Variants in TENM3 observed in about 807,000 individuals in gnomAD.
The protein encoded by TENM3 is teneurin-3.
TENM3 carries 63 observed loss-of-function variants against 255.1 expected under a neutral mutation model. That is an observed-to-expected ratio of 0.25 (90% CI 0.20 to 0.30). The LOEUF (loss-of-function observed/expected upper bound fraction) is 0.30. TENM3 is among the 10% of genes least tolerant of loss of function. TENM3 has a pLI of 1.00. For missense variants in TENM3, 2,929 were observed against 3,461.1 expected (o/e 0.85, Z 3.86); for synonymous variants, 1,306 against 1,322.3 (o/e 0.99, Z 0.27).
intron 1 of TENM3, among the ~76,000 whole-genome samples, chr4:182,231,873 G>A (rs1201746302): frequency 6.6e-6 from 1 of 152,344 alleles, no homozygotes; most frequent in Non-Finnish European, 1.5e-5. Flanking sequence ...TAAAGATCTG[G>A]GTGTGAGATG....
At chr4:181,600,421 C>T in the TENM3 span, among the ~76,000 whole-genome samples, 1 of 152,308 alleles carries the variant, frequency 6.6e-6, no homozygotes, top group South Asian at 2.1e-4. Flanking sequence ...CAGAGACCCA[C>T]AGCCTGTTCC....
chr4:181,683,662 G>C, the TENM3 span, among the ~76,000 whole-genome samples: 1 of 152,154 alleles, frequency 6.6e-6, no homozygotes, highest in African/African-American at 2.4e-5. Context: ...GAAGCTTTCA[G>C]TTACTCGTGC....
chr4:182,537,055 G>A (rs1315639378), intron 3 of TENM3, among the ~76,000 whole-genome samples: 1 of 152,182 alleles, frequency 6.6e-6, no homozygotes, highest in African/African-American at 2.4e-5. Flanking sequence ...TTAACTGTGT[G>A]TTTCAGTTAG....
At chr4:181,574,479 C>T in the TENM3 span, among the ~76,000 whole-genome samples, 22 of 150,812 alleles carry the variant, frequency 1.5e-4, 1 homozygote, top group Non-Finnish European at 2.7e-4. Flanking sequence ...TGCAGTGAGC[C>T]GAGATCGTGC....
chr4:182,145,630 G>T (rs1368613957), intron 1 of TENM3, among the ~76,000 whole-genome samples: 1 of 152,148 alleles, frequency 6.6e-6, no homozygotes, highest in African/African-American at 2.4e-5. Context: ...TACTTGTACC[G>T]TGTAATACAT....
chr4:181,696,620 G>A, the TENM3 span, among the ~76,000 whole-genome samples: 2 of 152,190 alleles, frequency 1.3e-5, no homozygotes, highest in African/African-American at 4.8e-5. Flanking sequence ...GTTCAAGTAA[G>A]GGGCCAAATT....
intron 3 of TENM3, among the ~76,000 whole-genome samples, chr4:182,397,386 C>T (rs528893339): frequency 4.7e-5 from 5 of 106,074 alleles, no homozygotes; most frequent in Admixed American, 1.5e-4. Flanking sequence ...GGTGACAGAG[C>T]GAGACTCCAT....
At chr4:181,541,371 C>T in the TENM3 span, among the ~76,000 whole-genome samples, 3 of 151,964 alleles carry the variant, frequency 2.0e-5, no homozygotes, top group Non-Finnish European at 4.4e-5. Context: ...GGTGACAGAG[C>T]GAGATCCTGT....
intron 1 of TENM3, among the ~76,000 whole-genome samples, chr4:182,302,800 C>T (rs1195939659): frequency 6.6e-6 from 1 of 152,154 alleles, no homozygotes; most frequent in Non-Finnish European, 1.5e-5. Flanking sequence ...TTTCTCATTT[C>T]CATGTGAGAA....
At chr4:182,361,351 G>T (rs1477162802) in intron 3 of TENM3, among the ~76,000 whole-genome samples, 19 of 152,252 alleles carry the variant, frequency 1.2e-4, no homozygotes, top group Non-Finnish European at 2.4e-4. Flanking sequence ...TCACTTTCAG[G>T]TACACCAATC....
At chr4:182,065,611 GC>G in the TENM3 span, among the ~76,000 whole-genome samples, 1 of 152,164 alleles carries the variant, frequency 6.6e-6, no homozygotes, top group African/African-American at 2.4e-5. Flanking sequence ...CTCCCACCCG[GC>G]CCCTCCTCTA....
chr4:181,485,549 C>CA, the TENM3 span, among the ~76,000 whole-genome samples: 8 of 151,606 alleles, frequency 5.3e-5, no homozygotes, highest in East Asian at 1.9e-4. Flanking sequence ...TCTTTGATGG[C>CA]AAAAAAACAG....
chr4:181,827,956 T>C, the TENM3 span, among the ~76,000 whole-genome samples: 8 of 152,302 alleles, frequency 5.3e-5, no homozygotes, highest in South Asian at 1.2e-3. Flanking sequence ...GATCTCTTCC[T>C]CTTCCTTCTC....
chr4:181,864,685 C>T, the TENM3 span, among the ~76,000 whole-genome samples: 1 of 152,050 alleles, frequency 6.6e-6, no homozygotes, highest in Non-Finnish European at 1.5e-5. Flanking sequence ...AGGATGACAA[C>T]AAGCTGATGG....
At chr4:182,579,262 A>G (rs1370158850) in intron 3 of TENM3, among the ~76,000 whole-genome samples, 1 of 152,224 alleles carries the variant, frequency 6.6e-6, no homozygotes, top group Non-Finnish European at 1.5e-5. Flanking sequence ...AGGCAGAGAG[A>G]GCAGCATTCT....
intron 22 of TENM3, among the ~76,000 whole-genome samples, chr4:182,755,789 G>A (rs1293454588): frequency 4.0e-5 from 6 of 150,944 alleles, no homozygotes; most frequent in Non-Finnish European, 5.9e-5. Context: ...GCAGTGAGCC[G>A]AGATCGCGCC....
chr4:182,158,300 T>TA (rs1283541394), intron 1 of TENM3, among the ~76,000 whole-genome samples: 1 of 152,170 alleles, frequency 6.6e-6, no homozygotes, highest in African/African-American at 2.4e-5. Context: ...ACACACAACA[T>TA]ACAAAACTCA....
At chr4:182,172,027 T>C (rs1579593006) in intron 1 of TENM3, among the ~76,000 whole-genome samples, 2 of 152,302 alleles carry the variant, frequency 1.3e-5, no homozygotes. Flanking sequence ...AGTGATTTGA[T>C]ATAAAATATT....
At chr4:182,662,365 A>G (rs1404259640) in intron 6 of TENM3, among the ~76,000 whole-genome samples, 1 of 152,228 alleles carries the variant, frequency 6.6e-6, no homozygotes, top group Non-Finnish European at 1.5e-5. Context: ...ACACGTTGAA[A>G]AAAACCTTCA....
Sources: allele counts gnomAD v4.1 joint callset (sites outside exome capture counted in the v4.1 genomes callset), GRCh38; gene constraint gnomAD v4.1.1; transcripts MANE v1.5; gene names NCBI Gene and HGNC (gene_info 2026-07-23, HGNC 2026-07-21).